Variants in MEGF11 observed in about 807,000 individuals in gnomAD.
MEGF11 encodes multiple epidermal growth factor-like domains protein 11.
Under a neutral mutation model 146.6 loss-of-function variants are expected in MEGF11, and 126 were observed. That is an observed-to-expected ratio of 0.86 (90% CI 0.74 to 1.00). The LOEUF is 1.00. Ranked by LOEUF, MEGF11 falls within the 50% of genes least tolerant of loss-of-function variation. The probability of loss-of-function intolerance (pLI) is 0.00; values close to 1 mark genes in which losing one functional copy is unlikely to be tolerated. For missense variants in MEGF11, 1,509 were observed against 1,521.2 expected (o/e 0.99, Z 0.13); for synonymous variants, 532 against 583.4 (o/e 0.91, Z 1.27).
At position 65,994,694 on chromosome 15, in the gene MEGF11, G is replaced by A. The variant is rs144213287; in HGVS notation, c.395-12206C>T. 2.0e-5 allele frequency among the ~76,000 whole-genome samples: 3 copies of A among 152,308 alleles called. No individual in the cohort carries two copies. The East Asian group carries it at 5.8e-4, about 29-fold the overall frequency. On this transcript the variant is annotated intron_variant, in intron 5 of 25. Transcript: ENST00000395614. ...GGACCTGGGATCTGCCCTCTGGGCT[G>A]TTCATCCTGGGAGTTGATGCTGCAC...
intron 21 of MEGF11, among the ~76,000 whole-genome samples, chr15:65,911,565 C>T (rs182879165): frequency 1.3e-5 from 2 of 152,292 alleles, no homozygotes; most frequent in East Asian, 3.9e-4. Flanking sequence ...GCGTATGCCA[C>T]CATGCCCAGC....
At chr15:65,944,954 AGTG>A (rs1197423108) in intron 10 of MEGF11, among the ~76,000 whole-genome samples, 6 of 145,150 alleles carry the variant, frequency 4.1e-5, no homozygotes, top group Non-Finnish European at 7.4e-5. Context: ...GCTGGAGTGC[AGTG>A]GTGCCATCTC....
chr15:66,173,865 A>G (rs1250522839), intron 1 of MEGF11, among the ~76,000 whole-genome samples: 1 of 152,226 alleles, frequency 6.6e-6, no homozygotes, highest in Non-Finnish European at 1.5e-5. Context: ...ACAGTTTGCC[A>G]CAAATCAACA....
At chr15:66,103,561 G>C (rs1445095405) in intron 4 of MEGF11, among the ~76,000 whole-genome samples, 1 of 152,298 alleles carries the variant, frequency 6.6e-6, no homozygotes, top group South Asian at 2.1e-4. Flanking sequence ...GAGGAAGAGG[G>C]AAAGAGTAAG....
chr15:66,012,467 T>C (rs2082738765), intron 5 of MEGF11, among the ~76,000 whole-genome samples: 1 of 152,212 alleles, frequency 6.6e-6, no homozygotes. Context: ...TTCAAGCGCC[T>C]GCCCATGCAA....
intron 1 of MEGF11, among the ~76,000 whole-genome samples, chr15:66,169,759 C>T (rs928781160): frequency 1.3e-5 from 2 of 152,232 alleles, no homozygotes; most frequent in African/African-American, 2.4e-5. Context: ...TTCTTGACCC[C>T]GGGTGGTTGG....
intron 24 of MEGF11, among the ~76,000 whole-genome samples, chr15:65,899,501 C>T (rs1015770230): frequency 1.3e-5 from 2 of 152,180 alleles, no homozygotes; most frequent in Admixed American, 1.3e-4. Context: ...TGCCACCACA[C>T]CTGACTTGAA....
At chr15:66,211,795 T>C (rs2091462196) in intron 1 of MEGF11, among the ~76,000 whole-genome samples, 1 of 151,846 alleles carries the variant, frequency 6.6e-6, no homozygotes, top group South Asian at 2.1e-4. Flanking sequence ...CCTCACCCTC[T>C]CCTGGGTATA....
At chr15:66,057,739 T>C (rs146670376) in intron 5 of MEGF11, among the ~76,000 whole-genome samples, 2 of 152,264 alleles carry the variant, frequency 1.3e-5, no homozygotes, top group Admixed American at 6.5e-5. Flanking sequence ...TCTCCTATTA[T>C]TATGATTATG....
intron 4 of MEGF11, among the ~76,000 whole-genome samples, chr15:66,114,089 C>T (rs770058180): frequency 6.6e-6 from 1 of 152,058 alleles, no homozygotes; most frequent in Non-Finnish European, 1.5e-5. Flanking sequence ...GTTTGAGAAC[C>T]GCTGGAGTCA....
chr15:66,239,291 GT>G (rs2092159481), intron 1 of MEGF11, among the ~76,000 whole-genome samples: 1 of 152,114 alleles, frequency 6.6e-6, no homozygotes, highest in Admixed American at 6.6e-5. Flanking sequence ...AGGTCTTCTG[GT>G]ATCAACCCCC....
Position 65,906,849 on chromosome 15 carries a change from G to A in MEGF11, c.2999-708C>T, listed in dbSNP as rs2078644603. On this transcript the variant is annotated intron_variant, in intron 23 of 25. Coordinates refer to ENST00000395614, the MANE Select transcript of MEGF11 (RefSeq NM_001385028.1). ...TTGAAAAGTATTACCAGTGTTTTCA[G>A]CCCCAAGGATTTCTTTCTACCTTTC... Among the ~76,000 whole-genome samples, 3 of 152,278 alleles carry A rather than the reference G, an allele frequency of 2.0e-5. No individual in the cohort carries two copies. The South Asian group carries it at 6.2e-4, about 32-fold the overall frequency.
intron 1 of MEGF11, among the ~76,000 whole-genome samples, chr15:66,250,757 A>G (rs555123696): frequency 6.6e-6 from 1 of 152,216 alleles, no homozygotes; most frequent in South Asian, 2.1e-4. Context: ...AAATACAAAA[A>G]TTAGCCTGGC....
At chr15:65,910,064 A>C (rs1252815730) in intron 21 of MEGF11, 12 of 632,550 alleles carry the variant, frequency 1.9e-5, no homozygotes, top group African/African-American at 7.2e-5. Flanking sequence ...GGGTAGCTTG[A>C]GCCAAGCTGG....
rs183402719 is a variant in MEGF11 at position 65,995,581 on chromosome 15, T to A, written c.395-13093A>T. Among the ~76,000 whole-genome samples, 318 of 152,352 alleles carry A rather than the reference T, an allele frequency of 2.1e-3. 1 individual carries two copies. Among genetic ancestry groups the A allele is most frequent in the African/African-American group, 7.2e-3 (299 of 41,588 alleles). ...GAGCACACTCTGAAGAGCACTGGGC[T>A]AGGCGCAGGTCAGAGGAGAGCTGAA... On this transcript the variant is annotated intron_variant, in intron 5 of 25. Transcript: ENST00000395614.
chr15:65,914,207 A>G (rs528685262), intron 19 of MEGF11: 1 of 568,604 alleles, frequency 1.8e-6, no homozygotes, highest in Non-Finnish European at 3.1e-6. Context: ...ATGTGAAACA[A>G]TAAATATTAT....
At chr15:66,101,478 C>A (rs2086806044) in intron 4 of MEGF11, among the ~76,000 whole-genome samples, 2 of 152,164 alleles carry the variant, frequency 1.3e-5, no homozygotes, top group Non-Finnish European at 2.9e-5. Context: ...CCCACCCACT[C>A]CCCACAGGCT....
chr15:65,974,663 AAAAG>A (rs1265523863), intron 7 of MEGF11, among the ~76,000 whole-genome samples: 3 of 152,084 alleles, frequency 2.0e-5, no homozygotes, highest in Non-Finnish European at 4.4e-5. Context: ...TCAAAAGAAA[AAAAG>A]AAAAGTCAGA....
intron 4 of MEGF11, 96 bp from the exon 5 acceptor site, chr15:66,094,590 G>C: frequency 9.4e-7 from 1 of 1,060,732 alleles, no homozygotes; most frequent in East Asian, 2.6e-5. Flanking sequence ...ACAACTCCCT[G>C]GTGCCCAGGG....
Sources: gnomAD v4.1 joint callset for allele counts (sites outside exome capture counted in the v4.1 genomes callset) on GRCh38, gnomAD v4.1.1 for gene constraint, MANE v1.5 for transcripts, NCBI Gene and HGNC (gene_info 2026-07-23, HGNC 2026-07-21) for gene names.